The following HABP4 variants were observed in gnomAD, a reference collection of about 807,000 sequenced individuals.
The protein encoded by HABP4 is intracellular hyaluronan-binding protein 4.
Under a neutral mutation model 44.1 loss-of-function variants are expected in HABP4, and 32 were observed. That is an observed-to-expected ratio of 0.73 (90% confidence interval 0.55 to 0.97). HABP4 has a LOEUF of 0.97. Ranked by LOEUF, HABP4 falls within the 50% of genes least tolerant of loss-of-function variation. The pLI is 0.00. For synonymous variants in HABP4, 216 were observed against 218.0 expected, an observed-to-expected ratio of 0.99 and a Z score of 0.08; for missense variants, 503 against 561.9, an observed-to-expected ratio of 0.90 and a Z score of 1.06.
At chr9:96,458,299 T>C in intron 1 of HABP4, 80 bp from the exon 2 acceptor site, 1 of 1,359,440 alleles carries the variant, frequency 7.4e-7, no homozygotes, top group African/African-American at 1.4e-5. Flanking sequence ...AAAATGAAAT[T>C]TACAAGTACC....
At chr9:96,467,475 C>T (rs568707733) in intron 4 of HABP4, among the ~76,000 whole-genome samples, 3 of 148,378 alleles carry the variant, frequency 2.0e-5, no homozygotes, top group East Asian at 2.0e-4. Flanking sequence ...ACTTTCTTTC[C>T]TTCTTTCTTT....
At chr9:96,461,655 C>T (rs756967619) in intron 2 of HABP4, among the ~76,000 whole-genome samples, 3 of 152,016 alleles carry the variant, frequency 2.0e-5, no homozygotes, top group Non-Finnish European at 4.4e-5. Flanking sequence ...GACAAGACTA[C>T]TACACACATT....
chr9:96,465,605 T>A (rs1039537062), intron 3 of HABP4, 105 bp from the exon 4 acceptor site: 4 of 1,151,426 alleles, frequency 3.5e-6, no homozygotes, highest in Non-Finnish European at 1.3e-6. Flanking sequence ...GTGCTGTTAT[T>A]CTTGTGAGAA....
chr9:96,487,982 C>A, intron 6 of HABP4, 107 bp from the exon 7 acceptor site: 1 of 778,562 alleles, frequency 1.3e-6, no homozygotes, highest in Non-Finnish European at 2.2e-6. Context: ...TCTGACTAGC[C>A]CCTGATGGTG....
Position 96,490,051 on chromosome 9 carries a change from T to G in HABP4, c.*13T>G. The G allele has an allele frequency of 6.4e-7, 1 of 1,561,668 alleles. No homozygotes were observed. The highest frequency in any genetic ancestry group is 1.4e-5 in the African/African-American group (1 of 74,022). On this transcript the variant is annotated 3_prime_UTR_variant, in exon 8 of 8. Coordinates refer to ENST00000375249, the MANE Select transcript of HABP4 (RefSeq NM_014282.4). ...TGCGCTGTCTTGAAAGAGCCCTGTT[T>G]CCCAGCACCGCGGAGCTGCACTGCA...
At chr9:96,475,412 A>G (rs1181707174) in intron 5 of HABP4, among the ~76,000 whole-genome samples, 4 of 151,926 alleles carry the variant, frequency 2.6e-5, no homozygotes, top group Non-Finnish European at 2.9e-5. Context: ...AAAAAAGAAG[A>G]AAAAGAATAA....
intron 4 of HABP4, 64 bp downstream of exon 4, chr9:96,465,842 T>C: frequency 6.8e-6 from 6 of 886,226 alleles, no homozygotes; most frequent in Non-Finnish European, 9.5e-6. Flanking sequence ...GATCTTTGCT[T>C]TTCTTGAAAA....
chr9:96,471,234 C>A, intron 5 of HABP4, 140 bp downstream of exon 5: 1 of 613,036 alleles, frequency 1.6e-6, no homozygotes, highest in South Asian at 1.9e-5. Context: ...CCTCCACTTC[C>A]TGGGTTCAAG....
chr9:96,451,441 C>A, intron 1 of HABP4: 1 of 983,548 alleles, frequency 1.0e-6, no homozygotes, highest in Non-Finnish European at 1.2e-6. Context: ...CAGCAACACT[C>A]CACCTGTGTT....
rs1313600235 is a variant in HABP4, at chr9:96,450,272, G to T, written c.-8G>T. On this transcript the variant is annotated 5_prime_UTR_variant, in exon 1 of 8. Coordinates refer to ENST00000375249, the MANE Select transcript of HABP4 (RefSeq NM_014282.4). The surrounding 1 kb of genome is among the most constrained non-coding windows in gnomAD (Gnocchi z 4.8). ...CTGCCCTCCCGGGCCCGCAGTGGTCGCGGCGGCATGAAGGGCGCTCTGGGG... is the reference window on the plus strand; with the variant it reads ...CTGCCCTCCCGGGCCCGCAGTGGTCTCGGCGGCATGAAGGGCGCTCTGGGG... The T allele has an allele frequency of 1.4e-6, 2 of 1,433,752 alleles. No homozygotes were observed. Among genetic ancestry groups the T allele is most frequent in the Non-Finnish European group, 1.8e-6 (2 of 1,083,032 alleles). 88.8% of individuals were successfully genotyped at this position (1,433,752 alleles called of 1,614,324 possible).
chr9:96,471,100 G>T lies in HABP4; in HGVS notation c.827+6G>T. On this transcript the variant is annotated splice_donor_region_variant and intron_variant, in intron 5 of 7. Coordinates refer to ENST00000375249, the MANE Select transcript of HABP4 (RefSeq NM_014282.4). ...GAAGAGGAGTCTCCAGCCAAGTAGG[G>T]CATTTTGTTCATTCCCCATTGTGGT... 1 of 1,469,260 alleles carries T rather than the reference G, an allele frequency of 6.8e-7. No individual in the cohort carries two copies. The highest frequency in any genetic ancestry group is 9.5e-7 in the Non-Finnish European group (1 of 1,047,906). 91.0% of individuals were successfully genotyped at this position (1,469,260 alleles called of 1,614,324 possible). A position where few individuals can be genotyped will look rare whatever the true frequency, so the allele number is the denominator to read the frequency against.
At chr9:96,489,930 C>A in intron 7 of HABP4, 52 bp from the exon 8 acceptor site, 1 of 1,104,514 alleles carries the variant, frequency 9.1e-7, no homozygotes, top group Non-Finnish European at 1.4e-6. Flanking sequence ...ACTGGGATAT[C>A]GGGAATGGAT....
chr9:96,456,780 A>AAAAAAAAAAT (rs1554724388), intron 1 of HABP4, among the ~76,000 whole-genome samples: 1 of 44,770 alleles, frequency 2.2e-5, no homozygotes. Context: ...AAAAAAAAAA[A>AAAAAAAAAAT]ATATATATAT....
intron 1 of HABP4, among the ~76,000 whole-genome samples, chr9:96,455,457 CAA>C (rs34929442): frequency 1.8e-3 from 116 of 62,984 alleles, no homozygotes; most frequent in African/African-American, 5.4e-3. Flanking sequence ...GAGACTGTCT[CAA>C]AAAAAAAAAA....
intron 5 of HABP4, among the ~76,000 whole-genome samples, chr9:96,475,682 G>T (rs1370946654): frequency 2.6e-5 from 4 of 152,220 alleles, no homozygotes; most frequent in African/African-American, 4.8e-5. Context: ...GGTAACTCAG[G>T]AGAGGGCAAA....
rs571303355 is a variant in HABP4 at position 96,462,240 on chromosome 9, T to A, written c.513-3097T>A. 2.0e-5 allele frequency among the ~76,000 whole-genome samples: 3 copies of A among 151,214 alleles called. No homozygotes were observed. In the South Asian group the frequency reaches 6.3e-4, roughly 32 times the overall value. On this transcript the variant is annotated intron_variant, in intron 2 of 7. Transcript: ENST00000375249. ...GCAGAGGCAGGCAGATCACCTGAGC[T>A]CAGGAATTCGATTCCAGCCTGGCCA...
rs1240118393 is a variant in HABP4, at chr9:96,450,563, G to T, written c.284G>T (p.Arg95Leu). ...GGCCGGAGGGAGTCGCAGAAGGAGC[G>T]CAAGAGCCTCCCGGCGCCCGTCGCT... Reference protein sequence around the residue: ...AGGRRESQKERKSLPAPVAQR... With the variant: ...AGGRRESQKELKSLPAPVAQR... The change falls in exon 1 of 8, where the codon CGC (arginine) becomes CTC (leucine). Residue 95 changes from arginine to leucine, a missense_variant. By Grantham distance (102) the Arg-to-Leu change is moderately radical. Around this residue, in one of 3 missense-constraint regions of HABP4, gnomAD observed 290 missense variants for 300.5 expected, o/e 0.97. Coordinates refer to ENST00000375249, the MANE Select transcript of HABP4 (RefSeq NM_014282.4). This position sits in a 1 kb window ranked among gnomAD's most constrained non-coding sequence, Gnocchi z 4.8. 4.7e-6 allele frequency: 6 copies of T among 1,275,850 alleles called. No homozygotes were observed. In the African/African-American group the frequency reaches 6.2e-5, roughly 13 times the overall value. The allele number at this position is 1,275,850 out of a possible 1,614,324, so 79.0% of individuals were successfully genotyped here. A position where few individuals can be genotyped will look rare whatever the true frequency, so the allele number is the denominator to read the frequency against.
At chr9:96,452,827 A>G (rs1832308841) in intron 1 of HABP4, among the ~76,000 whole-genome samples, 1 of 151,980 alleles carries the variant, frequency 6.6e-6, no homozygotes, top group Admixed American at 6.6e-5. Context: ...CTTAGTGTAG[A>G]CAAAAATAAA....
chr9:96,477,578 A>G (rs527964439), intron 5 of HABP4, among the ~76,000 whole-genome samples: 13 of 152,330 alleles, frequency 8.5e-5, no homozygotes, highest in African/African-American at 3.1e-4. Context: ...CATTAATTCC[A>G]AGACACTTCT....
Sources: allele counts gnomAD v4.1 joint callset (sites outside exome capture counted in the v4.1 genomes callset), GRCh38; gene constraint gnomAD v4.1.1; regional missense constraint gnomAD v4.1.1; non-coding constraint Gnocchi (gnomAD v3.1); transcripts MANE v1.5; gene names NCBI Gene and HGNC (gene_info 2026-07-23, HGNC 2026-07-21).